LAD1: variants seen among roughly 807,000 people sequenced by gnomAD.
LAD1 encodes the protein ladinin-1.
Under a neutral mutation model 54.2 loss-of-function variants are expected in LAD1, and 53 were observed. The observed-to-expected ratio is 0.98, with a 90% confidence interval of 0.78 to 1.23. The LOEUF is 1.23. Ranked by LOEUF, LAD1 falls within the 50% of genes most tolerant of loss-of-function variation. The pLI, the probability that LAD1 is intolerant of heterozygous loss-of-function variation, is 0.00. For synonymous variants in LAD1, 231 were observed against 257.7 expected (o/e 0.90, Z 0.99); for missense variants, 637 against 653.3 (o/e 0.98, Z 0.27).
At chr1:201,398,047 T>C (rs1467541365) in intron 1 of LAD1, among the ~76,000 whole-genome samples, 2 of 152,060 alleles carry the variant, frequency 1.3e-5, no homozygotes, top group Non-Finnish European at 2.9e-5. Context: ...CTAGAGCCCA[T>C]GGGCTGCCCA....
chr1:201,387,307 G>A lies in LAD1; in HGVS notation c.183-129C>T, dbSNP rs1269395950. On this transcript the variant is annotated intron_variant, in intron 2 of 9. Transcript: ENST00000391967. ...AGGATGTCAGGCCCTGGCCTCCCCG[G>A]CTCACCACCACCTTTATCCACTCGA... 4 of 909,364 alleles carry A rather than the reference G, an allele frequency of 4.4e-6. No individual in the cohort carries two copies. The Admixed American group carries it at 1.0e-4, about 23-fold the overall frequency. The allele number at this position is 909,364 out of a possible 1,614,324, so 56.3% of individuals were successfully genotyped here.
chr1:201,389,081 G>T lies in LAD1; in HGVS notation c.182+79C>A. Reference sequence around the variant, plus strand: ...CTCATTTCCTGGGCCCCAACTCCCTGAGCAGACTGAATATGCTGCACTTAG... The same window carrying T: ...CTCATTTCCTGGGCCCCAACTCCCTTAGCAGACTGAATATGCTGCACTTAG... On this transcript the variant is annotated intron_variant, in intron 2 of 9. Transcript: ENST00000391967. The T allele has an allele frequency of 2.6e-6, 4 of 1,517,180 alleles. No homozygotes were observed. The South Asian group carries it at 3.7e-5, about 14-fold the overall frequency. The allele number at this position is 1,517,180 out of a possible 1,614,324, so 94.0% of individuals were successfully genotyped here.
chr1:201,389,302 G>A lies in LAD1; in HGVS notation c.40C>T (p.Leu14Phe), dbSNP rs758303783. 6.2e-7 allele frequency: 1 copy of A among 1,611,496 alleles called. No individual in the cohort carries two copies. Residue 14 changes from leucine (L) to phenylalanine (F), a missense_variant and splice_region_variant, in exon 2 of 10, where the codon CTT becomes TTT. By Grantham distance (22) the Leu-to-Phe change is conservative. Transcript: ENST00000391967. ...TCCTCCAGAGTCCTCTGCCGGGCAA[G>A]GCTGGGGGAGGGGAGGAGAGGGTCA... ...SRKDWSALSS[L>F]ARQRTLEDEE...
rs1462960639 is a variant in LAD1 at position 201,380,890 on chromosome 1, A to G, written c.*998T>C. The G allele has an allele frequency of 6.6e-6, 1 of 152,210 alleles. No homozygotes were observed. Among genetic ancestry groups the G allele is most frequent in the Non-Finnish European group, 1.5e-5 (1 of 68,062 alleles). 9.4% of individuals were successfully genotyped at this position (152,210 alleles called of 1,614,324 possible). ...TGTAAACCACAGCTTTAAGGGGTTA[A>G]CAGGGCACCAGGCTGATGTTCCTAG... is the stretch of plus-strand genomic sequence containing the variant. On this transcript the variant is annotated 3_prime_UTR_variant, in exon 10 of 10. Coordinates refer to ENST00000391967, the MANE Select transcript of LAD1 (RefSeq NM_005558.4).
chr1:201,385,894 G>T (rs1341485272), intron 3 of LAD1, 89 bp from the exon 4 acceptor site: 2 of 914,188 alleles, frequency 2.2e-6, no homozygotes, highest in Non-Finnish European at 3.7e-6. Context: ...CCCAGGAGCT[G>T]CAGGAAGAGG....
rs1392656421 is a variant in LAD1 at position 201,381,748 on chromosome 1, G to A, written c.*140C>T. The A allele has an allele frequency of 6.3e-6, 6 of 953,370 alleles. No individual in the cohort carries two copies. The East Asian group carries it at 1.2e-4, about 20-fold the overall frequency. The allele number at this position is 953,370 out of a possible 1,614,324, so 59.1% of individuals were successfully genotyped here. On this transcript the variant is annotated 3_prime_UTR_variant, in exon 10 of 10. Transcript: ENST00000391967. ...AGTCTTGCAAATATTCCTGACCCCA[G>A]GGACCCTGGCCAAACAGATCCACAG... is the stretch of plus-strand genomic sequence containing the variant.
At position 201,386,920 on chromosome 1, in the gene LAD1, A is replaced by T; in HGVS notation, c.441T>A (p.Ser147Arg). Residue 147 changes from serine to arginine, a missense_variant, in exon 3 of 10, where the codon AGT becomes AGA. By Grantham distance (110) the Ser-to-Arg change is moderately radical (BLOSUM62 -1). Coordinates refer to ENST00000391967, the MANE Select transcript of LAD1 (RefSeq NM_005558.4). ...GGGCCCAGGGGCCCCGCTGTTCCCG[A>T]CTCAGTCTCCGGCGAGGTGGGATTT... is the stretch of plus-strand genomic sequence containing the variant. ...ELEIPPRRRL[S>R]REQRGPWALE... The T allele has an allele frequency of 6.2e-7, 1 of 1,613,492 alleles. No individual in the cohort carries two copies. The highest frequency in any genetic ancestry group is 1.1e-5 in the South Asian group (1 of 91,010).
chr1:201,381,843 G>A lies in LAD1; in HGVS notation c.*45C>T. On this transcript the variant is annotated 3_prime_UTR_variant, in exon 10 of 10. Coordinates refer to ENST00000391967, the MANE Select transcript of LAD1 (RefSeq NM_005558.4). ...AGAGGCAGGGGCCTGGCATGAGGGAGGTCCCTTGAGACGAAGACTTGCAGG... is the reference window on the plus strand; with the variant it reads ...AGAGGCAGGGGCCTGGCATGAGGGAAGTCCCTTGAGACGAAGACTTGCAGG... The A allele has an allele frequency of 1.9e-6, 3 of 1,607,372 alleles. 1 individual carries two copies. The South Asian group carries it at 3.3e-5, about 18-fold the overall frequency.
At chr1:201,386,213 GGCCA>G (rs1356140491) in intron 3 of LAD1, 118 bp downstream of exon 3, 1 of 1,026,640 alleles carries the variant, frequency 9.7e-7, no homozygotes, top group East Asian at 2.8e-5. Context: ...AGACTTCCAA[GGCCA>G]GCCTGCAGGT....
At chr1:201,385,053 G>A (rs1051329332) in intron 4 of LAD1, among the ~76,000 whole-genome samples, 1 of 152,176 alleles carries the variant, frequency 6.6e-6, no homozygotes, top group Admixed American at 6.5e-5. Flanking sequence ...ACTAATATGG[G>A]TCAGAAGACT....
chr1:201,393,870 T>TTG (rs4019749), intron 1 of LAD1, among the ~76,000 whole-genome samples: 1 of 149,204 alleles, frequency 6.7e-6, no homozygotes, highest in Non-Finnish European at 1.5e-5. Flanking sequence ...TTTTTTTTTT[T>TTG]GATGAGCAAA....
At position 201,382,246 on chromosome 1, in the gene LAD1, A is replaced by C; in HGVS notation, c.1548+6T>G. On this transcript the variant is annotated splice_donor_region_variant and intron_variant, in intron 9 of 9. Coordinates refer to ENST00000391967, the MANE Select transcript of LAD1 (RefSeq NM_005558.4). ...CCGTAGGGCCAGGCTCCTCCCCACCATTCACCTCAGCGTCCAGCGAGGAGT... is the reference window on the plus strand; with the variant it reads ...CCGTAGGGCCAGGCTCCTCCCCACCCTTCACCTCAGCGTCCAGCGAGGAGT... 1 of 1,611,598 alleles carries C rather than the reference A, an allele frequency of 6.2e-7. No homozygotes were observed. Among genetic ancestry groups the C allele is most frequent in the Non-Finnish European group, 8.5e-7 (1 of 1,178,264 alleles).
chr1:201,381,597 GC>G lies in LAD1; in HGVS notation c.*290del. 1.9e-6 allele frequency: 1 copy of G among 524,344 alleles called. No individual in the cohort carries two copies. The highest frequency in any genetic ancestry group is 2.0e-5 in the South Asian group (1 of 49,576). 32.5% of individuals were successfully genotyped at this position (524,344 alleles called of 1,614,324 possible). Reference sequence around the variant, plus strand: ...GCAGAGGTCTCTGGGCAGGACATAGGCCCCATAGTGCTGATGTGCACTTGTG... The same window carrying G: ...GCAGAGGTCTCTGGGCAGGACATAGGCCCATAGTGCTGATGTGCACTTGTG... On this transcript the variant is annotated 3_prime_UTR_variant, in exon 10 of 10. Coordinates refer to ENST00000391967, the MANE Select transcript of LAD1 (RefSeq NM_005558.4).
chr1:201,392,479 C>T (rs1257447669), intron 1 of LAD1, among the ~76,000 whole-genome samples: 32 of 152,190 alleles, frequency 2.1e-4, no homozygotes, highest in Admixed American at 2.1e-3. Flanking sequence ...GTGGGAAAGC[C>T]CCCTCGGAGA....
intron 4 of LAD1, 138 bp from the exon 5 acceptor site, chr1:201,384,973 CCAAA>C: frequency 1.3e-6 from 1 of 754,132 alleles, no homozygotes; most frequent in Non-Finnish European, 2.2e-6. Flanking sequence ...GTCAACCCCA[CCAAA>C]GAAATATGTG....
chr1:201,391,746 G>A (rs2102359338), intron 1 of LAD1, among the ~76,000 whole-genome samples: 1 of 152,286 alleles, frequency 6.6e-6, no homozygotes, highest in African/African-American at 2.4e-5. Context: ...GGTGGGGCTG[G>A]CAGTCCAGGC....
Position 201,382,516 on chromosome 1 carries a change from T to C in LAD1, c.1473+137A>G, listed in dbSNP as rs138328922. On this transcript the variant is annotated intron_variant, in intron 8 of 9. Transcript: ENST00000391967. ...ATCTATTCCCGACTGCCTCCACTCC[T>C]GAAATGACTCCTCCTCTCCCGAAAT... The C allele has an allele frequency of 4.4e-4, 353 of 795,840 alleles. 1 individual carries two copies. The highest frequency in any genetic ancestry group is 4.3e-3 in the African/African-American group (244 of 56,744). 49.3% of individuals were successfully genotyped at this position (795,840 alleles called of 1,614,324 possible).
chr1:201,389,106 G>A, intron 2 of LAD1, 54 bp downstream of exon 2: 1 of 1,583,434 alleles, frequency 6.3e-7, no homozygotes, highest in Non-Finnish European at 8.6e-7. Context: ...GCTGCACTTA[G>A]TCTGAGGCAA....
chr1:201,384,274 G>T (rs1162220299), intron 5 of LAD1, among the ~76,000 whole-genome samples: 2 of 152,022 alleles, frequency 1.3e-5, no homozygotes, highest in Non-Finnish European at 2.9e-5. Flanking sequence ...GATGAATACA[G>T]CATGAGTGGA....
Sources: gnomAD v4.1 joint callset for allele counts (sites outside exome capture counted in the v4.1 genomes callset) on GRCh38, gnomAD v4.1.1 for gene constraint, MANE v1.5 for transcripts, NCBI Gene and HGNC (gene_info 2026-07-23, HGNC 2026-07-21) for gene names.